The following GRK6 variants were observed in gnomAD, a reference collection of about 807,000 sequenced individuals.
GRK6 encodes G protein-coupled receptor kinase 6.
GRK6 carries 37 observed loss-of-function variants against 80.8 expected under a neutral mutation model. The observed-to-expected ratio is 0.46, with a 90% CI of 0.35 to 0.60. The LOEUF (loss-of-function observed/expected upper bound fraction) is 0.60. Ranked by LOEUF, GRK6 falls within the 20% of genes least tolerant of loss-of-function variation. The pLI, the probability that GRK6 is intolerant of heterozygous loss-of-function variation, is 0.00. For synonymous variants in GRK6, 295 were observed against 320.9 expected (o/e 0.92, Z 0.86); for missense variants, 560 against 784.6 (o/e 0.71, Z 3.42).
Position 177,434,097 on chromosome 5 carries a change from G to A in GRK6, c.922G>A (p.Val308Met), listed in dbSNP as rs888876754. ...GGAGGACCTGCACCGGGAGCGCATCGTGTACAGGTGGGGAGGGCTCGGCCA... is the reference window on the plus strand; with the variant it reads ...GGAGGACCTGCACCGGGAGCGCATCATGTACAGGTGGGGAGGGCTCGGCCA... ...GLEDLHRERIVYRDLKPENIL... is the reference protein window; with the variant it reads ...GLEDLHRERIMYRDLKPENIL... Residue 308 changes from valine to methionine, a missense_variant, in exon 9 of 16, where the codon GTG (valine) becomes ATG (methionine). Coordinates refer to ENST00000355472, the MANE Select transcript of GRK6 (RefSeq NM_001004106.3). The A allele has an allele frequency of 1.9e-6, 3 of 1,577,998 alleles. No individual in the cohort carries two copies. Among genetic ancestry groups the A allele is most frequent in the Non-Finnish European group, 1.7e-6 (2 of 1,162,352 alleles).
At chr5:177,438,178 G>A (rs1211460971) in intron 13 of GRK6, among the ~76,000 whole-genome samples, 1 of 152,142 alleles carries the variant, frequency 6.6e-6, no homozygotes, top group Non-Finnish European at 1.5e-5. Context: ...AGACCAGCCT[G>A]ACCAACATGG....
rs1393797227 is a variant in GRK6 at position 177,428,496 on chromosome 5, C to T, written c.52+1599C>T. ...CCAGGCTGGAGTGCAGGGCTCACTG[C>T]AACCTCCGCCTCCTGGGTTCAAGTG... On this transcript the variant is annotated intron_variant, in intron 1 of 15. Coordinates refer to ENST00000355472, the MANE Select transcript of GRK6 (RefSeq NM_001004106.3). The surrounding 1 kb of genome is among the most constrained non-coding windows in gnomAD (Gnocchi z 4.1). Among the ~76,000 whole-genome samples the T allele has an allele frequency of 1.3e-5, 2 of 152,224 alleles. No individual in the cohort carries two copies.
Position 177,441,878 on chromosome 5 carries a change from TC to T in GRK6, c.*90del. 2 of 1,198,982 alleles carry T rather than the reference TC, an allele frequency of 1.7e-6. No individual in the cohort carries two copies. The highest frequency in any genetic ancestry group is 2.5e-6 in the Non-Finnish European group (2 of 815,326). The allele number at this position is 1,198,982 out of a possible 1,614,324, so 74.3% of individuals were successfully genotyped here. A position where few individuals can be genotyped will look rare whatever the true frequency, so the allele number is the denominator to read the frequency against. ...TTTTGCACAGTGATCTTCCCCATTG[TC>T]CACTCAAGTCGTGGCCTGGGGAACA... On this transcript the variant is annotated 3_prime_UTR_variant, in exon 16 of 16. Coordinates refer to ENST00000355472, the MANE Select transcript of GRK6 (RefSeq NM_001004106.3).
At chr5:177,440,637 C>T in intron 13 of GRK6, 63 bp from the exon 14 acceptor site, 1 of 1,587,458 alleles carries the variant, frequency 6.3e-7, no homozygotes, top group Non-Finnish European at 8.6e-7. Context: ...AGAATCAGGG[C>T]TGAGCTGCCT....
At chr5:177,431,736 AG>A in intron 2 of GRK6, 2 of 548,228 alleles carry the variant, frequency 3.6e-6, no homozygotes, top group Non-Finnish European at 6.5e-6. Context: ...CAATGCAGGG[AG>A]GTGGATGGAG....
At chr5:177,425,771 T>C (rs1256998763), upstream of GRK6, among the ~76,000 whole-genome samples, 2 of 152,238 alleles carry the variant, frequency 1.3e-5, no homozygotes, top group African/African-American at 4.8e-5. Context: ...GCCTGTTTCC[T>C]GCTGCGTGAA....
chr5:177,442,869 T>C lies in GRK6; in HGVS notation c.*1079T>C, dbSNP rs1372962782. 2.0e-5 allele frequency: 3 copies of C among 152,258 alleles called. No individual in the cohort carries two copies. The East Asian group carries it at 5.8e-4, about 29-fold the overall frequency. 9.4% of individuals were successfully genotyped at this position (152,258 alleles called of 1,614,324 possible). ...ACGTAAGCTGCCACATGTCTCTGTG[T>C]GAATAGTCCGAGCACAAACCTGGCT... On this transcript the variant is annotated 3_prime_UTR_variant, in exon 16 of 16. Coordinates refer to ENST00000355472, the MANE Select transcript of GRK6 (RefSeq NM_001004106.3).
chr5:177,436,305 G>C (rs1298328916), intron 12 of GRK6, 24 bp downstream of exon 12: 5 of 1,613,448 alleles, frequency 3.1e-6, no homozygotes, highest in Non-Finnish European at 4.2e-6. Context: ...CAGAAGCCTG[G>C]CCAGCCAGGG....
At chr5:177,431,080 G>A in intron 2 of GRK6, 113 bp downstream of exon 2, 1 of 800,800 alleles carries the variant, frequency 1.2e-6, no homozygotes, top group South Asian at 1.7e-5. Flanking sequence ...GGGCTCCAGT[G>A]AGCAGGAGGA....
At position 177,426,751 on chromosome 5, in the gene GRK6, C is replaced by A; in HGVS notation, c.-95C>A. On this transcript the variant is annotated 5_prime_UTR_variant, in exon 1 of 16. Coordinates refer to ENST00000355472, the MANE Select transcript of GRK6 (RefSeq NM_001004106.3). ...CGCGGTCACTGCGAGCCGAGCCGAG[C>A]CGCGCCGAGCCGCGCCGATCGCCAT... 1.5e-6 allele frequency: 1 copy of A among 651,836 alleles called. No homozygotes were observed. 40.4% of individuals were successfully genotyped at this position (651,836 alleles called of 1,614,324 possible). A position where few individuals can be genotyped will look rare whatever the true frequency, so the allele number is the denominator to read the frequency against.
intron 15 of GRK6, 81 bp downstream of exon 15, chr5:177,441,134 T>A (rs1764474008): frequency 6.4e-7 from 1 of 1,557,516 alleles, no homozygotes; most frequent in Non-Finnish European, 8.7e-7. Flanking sequence ...GGTGCCCGCA[T>A]GCGCTGGGAG....
chr5:177,440,980 C>A lies in GRK6; in HGVS notation c.1604C>A (p.Pro535Gln). The A allele has an allele frequency of 2.5e-6, 4 of 1,614,042 alleles. No individual in the cohort carries two copies. The highest frequency in any genetic ancestry group is 1.1e-5 in the South Asian group (1 of 91,088). The change falls in exon 15 of 16, where the codon CCA becomes CAA. Residue 535 changes from proline to glutamine, a missense_variant. By Grantham distance (76) the Pro-to-Gln change is moderately conservative. This residue lies in a region of GRK6 where 294 missense variants were observed against 397.4 expected (regional missense o/e 0.74). Transcript: ENST00000355472. ...TTTGGGCTGGATGGCTCAGTTCCCC[C>A]AGACCTGGACTGGAAGGGCCAGCCA... ...NVFGLDGSVP[P>Q]DLDWKGQPPA...
intron 13 of GRK6, among the ~76,000 whole-genome samples, chr5:177,437,018 G>T (rs1764191938): frequency 6.6e-6 from 1 of 151,902 alleles, no homozygotes; most frequent in African/African-American, 2.4e-5. Flanking sequence ...GCAGTGGTGA[G>T]ATCTTGGCTC....
At position 177,426,739 on chromosome 5, in the gene GRK6, A is replaced by AGCCGAGCCGAGCCGC. The variant is rs1349050117; in HGVS notation, c.-97_-83dup. 60 of 555,452 alleles carry AGCCGAGCCGAGCCGC rather than the reference A, an allele frequency of 1.1e-4. 1 individual carries two copies. Among genetic ancestry groups the AGCCGAGCCGAGCCGC allele is most frequent in the Middle Eastern group, 8.8e-4 (1 of 1,138 alleles). 34.4% of individuals were successfully genotyped at this position (555,452 alleles called of 1,614,324 possible). On this transcript the variant is annotated 5_prime_UTR_variant, in exon 1 of 16. Transcript: ENST00000355472. ...GGGAGGCCGCGGCGCGGTCACTGCGAGCCGAGCCGAGCCGCGCCGAGCCGC... is the reference window on the plus strand; with the variant it reads ...GGGAGGCCGCGGCGCGGTCACTGCGAGCCGAGCCGAGCCGCGCCGAGCCGAGCCGCGCCGAGCCGC...
chr5:177,431,455 C>T (rs1763882918), intron 2 of GRK6, among the ~76,000 whole-genome samples: 1 of 152,232 alleles, frequency 6.6e-6, no homozygotes, highest in Admixed American at 6.5e-5. Flanking sequence ...ACCCCAGTTC[C>T]TGCCAATCTT....
chr5:177,435,962 T>A (rs4976695), intron 11 of GRK6, 111 bp from the exon 12 acceptor site: 420,511 of 888,680 alleles, frequency 0.47, 106,036 homozygotes, highest in Non-Finnish European at 0.54. Context: ...AGGTCCCCCC[T>A]GGCCAGCGGG....
Position 177,428,437 on chromosome 5 carries a change from G to C in GRK6, c.52+1540G>C, listed in dbSNP as rs1230042200. Reference sequence around the variant, plus strand: ...CTGGCTCTGCCCCTCCCACCTGCATGGCTTTTTTTTGAGACAGAGTCTCAC... The same window carrying C: ...CTGGCTCTGCCCCTCCCACCTGCATCGCTTTTTTTTGAGACAGAGTCTCAC... On this transcript the variant is annotated intron_variant, in intron 1 of 15. Transcript: ENST00000355472. The surrounding 1 kb of genome is among the most constrained non-coding windows in gnomAD (Gnocchi z 4.1). Among the ~76,000 whole-genome samples the C allele has an allele frequency of 6.6e-6, 1 of 152,212 alleles. No homozygotes were observed. The highest frequency in any genetic ancestry group is 1.9e-4 in the East Asian group (1 of 5,204).
intron 11 of GRK6, 127 bp downstream of exon 11, chr5:177,435,248 G>A (rs1764091253): frequency 9.0e-6 from 6 of 668,608 alleles, no homozygotes; most frequent in South Asian, 3.9e-5. Flanking sequence ...CCATGCCGAT[G>A]CTCCTCTTCT....
intron 9 of GRK6, 75 bp from the exon 10 acceptor site, chr5:177,434,827 G>A: frequency 1.3e-6 from 2 of 1,561,042 alleles, no homozygotes; most frequent in Non-Finnish European, 8.8e-7. Context: ...GGAGGCGAGT[G>A]AGCTGGGGGG....
Sources: allele counts gnomAD v4.1 joint callset (sites outside exome capture counted in the v4.1 genomes callset), GRCh38; gene constraint gnomAD v4.1.1; regional missense constraint gnomAD v4.1.1; non-coding constraint Gnocchi (gnomAD v3.1); transcripts MANE v1.5; gene names NCBI Gene and HGNC (gene_info 2026-07-23, HGNC 2026-07-21).